The following CSMD1 variants were observed in gnomAD, a reference collection of about 807,000 sequenced individuals.
The protein encoded by CSMD1 is CUB and Sushi multiple domains 1.
Under a neutral mutation model 417.5 loss-of-function variants are expected in CSMD1, and 213 were observed. The ratio of observed to expected loss-of-function variants is 0.51; its 90% CI spans 0.46 to 0.57. CSMD1 has a LOEUF of 0.57. Among genes scored for constraint, CSMD1 ranks in the 20% least tolerant of loss-of-function variants. CSMD1 has a pLI of 0.00. For synonymous variants in CSMD1, 2,862 were observed against 1,736.8 expected (o/e 1.65, Z -16.11); for missense variants, 6,923 against 4,529.7 (o/e 1.53, Z -15.17).
At chr8:3,959,051 C>T (rs1212698627) in intron 5 of CSMD1, among the ~76,000 whole-genome samples, 6 of 152,328 alleles carry the variant, frequency 3.9e-5, no homozygotes, top group African/African-American at 1.4e-4. Context: ...ATACTTCCTA[C>T]TCCCCAGCAC....
At chr8:4,006,929 G>T (rs974136141) in intron 4 of CSMD1, among the ~76,000 whole-genome samples, 1 of 143,178 alleles carries the variant, frequency 7.0e-6, no homozygotes, top group Non-Finnish European at 1.5e-5. Context: ...CTGGGTTCAA[G>T]CGATTCTCCT....
Position 3,336,834 on chromosome 8 carries a change from T to C in CSMD1, c.3631+6460A>G, listed in dbSNP as rs112097261. 2.6e-5 allele frequency among the ~76,000 whole-genome samples: 4 copies of C among 152,066 alleles called. No individual in the cohort carries two copies. In the South Asian group the frequency reaches 8.3e-4, roughly 32 times the overall value. ...AGGCACAGCTCCTGTCTAATTCATA[T>C]AGCACCTGGCATTGACCTTAATCTG... On this transcript the variant is annotated intron_variant, in intron 23 of 69. Coordinates refer to ENST00000635120, the MANE Select transcript of CSMD1 (RefSeq NM_033225.6).
At chr8:3,482,741 C>A (rs28827864) in intron 11 of CSMD1, among the ~76,000 whole-genome samples, 93,386 of 151,930 alleles carry the variant, frequency 0.61, 29,329 homozygotes, top group Middle Eastern at 0.73. Flanking sequence ...GATAATAGAT[C>A]TTGACATATT....
At chr8:3,262,829 C>T (rs188415846) in intron 26 of CSMD1, among the ~76,000 whole-genome samples, 1 of 152,076 alleles carries the variant, frequency 6.6e-6, no homozygotes, top group Admixed American at 6.6e-5. Context: ...TAAATGAATT[C>T]TACAATCTAC....
intron 3 of CSMD1, among the ~76,000 whole-genome samples, chr8:4,231,416 A>G (rs1386240939): frequency 6.6e-6 from 1 of 152,208 alleles, no homozygotes; most frequent in Non-Finnish European, 1.5e-5. Context: ...AGTTGTTACA[A>G]AAATTACGAT....
At chr8:4,216,107 C>T (rs1800652320) in intron 3 of CSMD1, among the ~76,000 whole-genome samples, 1 of 152,172 alleles carries the variant, frequency 6.6e-6, no homozygotes, top group African/African-American at 2.4e-5. Context: ...CAGTCCTCTT[C>T]TCAATCTGGC....
chr8:4,695,666 G>C (rs1807081323), intron 1 of CSMD1, among the ~76,000 whole-genome samples: 1 of 152,006 alleles, frequency 6.6e-6, no homozygotes, highest in Non-Finnish European at 1.5e-5. Flanking sequence ...AGAACCTATA[G>C]ACCTAGGTTG....
chr8:3,794,472 A>T (rs1172126008), intron 5 of CSMD1, among the ~76,000 whole-genome samples: 1 of 152,126 alleles, frequency 6.6e-6, no homozygotes, highest in Non-Finnish European at 1.5e-5. Flanking sequence ...TTAAATCAAC[A>T]AATAGTTTTT....
intron 31 of CSMD1, among the ~76,000 whole-genome samples, chr8:3,202,987 C>G (rs764052180): frequency 1.3e-5 from 2 of 152,100 alleles, no homozygotes; most frequent in African/African-American, 2.4e-5. Flanking sequence ...CTCATACCAT[C>G]CTCACCCACC....
chr8:4,456,955 C>G (rs1196641495), intron 2 of CSMD1, among the ~76,000 whole-genome samples: 2 of 132,256 alleles, frequency 1.5e-5, no homozygotes, highest in Non-Finnish European at 3.2e-5. Flanking sequence ...CTCTGATTTA[C>G]AAGAGATTTT....
intron 49 of CSMD1, among the ~76,000 whole-genome samples, chr8:3,067,816 T>A (rs1405839941): frequency 1.3e-5 from 2 of 152,042 alleles, no homozygotes; most frequent in Non-Finnish European, 2.9e-5. Context: ...TGTAATTACC[T>A]AATTTATCTT....
At chr8:4,064,233 C>T (rs1017401390) in intron 3 of CSMD1, among the ~76,000 whole-genome samples, 1 of 152,198 alleles carries the variant, frequency 6.6e-6, no homozygotes, top group Non-Finnish European at 1.5e-5. Context: ...TCCCAGTGGT[C>T]ATTCGCTGAT....
intron 1 of CSMD1, among the ~76,000 whole-genome samples, chr8:4,860,641 A>T (rs1008739848): frequency 5.3e-5 from 8 of 152,132 alleles, no homozygotes; most frequent in Non-Finnish European, 1.0e-4. Flanking sequence ...TCTTTATGGC[A>T]ATGCTAATAC....
At chr8:4,318,204 A>T (rs1585221427) in intron 3 of CSMD1, among the ~76,000 whole-genome samples, 1 of 152,138 alleles carries the variant, frequency 6.6e-6, no homozygotes, top group African/African-American at 2.4e-5. Context: ...TGTGAATGAT[A>T]ATTATTACAA....
At chr8:4,873,663 T>C (rs1043603668) in intron 1 of CSMD1, among the ~76,000 whole-genome samples, 2 of 152,114 alleles carry the variant, frequency 1.3e-5, no homozygotes, top group African/African-American at 4.8e-5. Flanking sequence ...ATCTATCCAT[T>C]CAGTAAACAC....
In CSMD1 at chr8:3,902,381, C is replaced by T. The variant is rs189091943; in HGVS notation, c.818+95522G>A. On this transcript the variant is annotated intron_variant, in intron 5 of 69. Transcript: ENST00000635120. Reference sequence around the variant, plus strand: ...GTTTACAAAAACATGTGATCTGAGGCAAATTGTTGGATCTTCCTAAGGCAG... The same window carrying T: ...GTTTACAAAAACATGTGATCTGAGGTAAATTGTTGGATCTTCCTAAGGCAG... Among the ~76,000 whole-genome samples, 41 of 152,220 alleles carry T rather than the reference C, an allele frequency of 2.7e-4. No individual in the cohort carries two copies. In the East Asian group the frequency reaches 6.2e-3, roughly 23 times the overall value.
chr8:3,666,461 A>T (rs926833130), intron 7 of CSMD1, among the ~76,000 whole-genome samples: 1 of 152,218 alleles, frequency 6.6e-6, no homozygotes, highest in Non-Finnish European at 1.5e-5. Flanking sequence ...CTGAATCACG[A>T]TTGATCCTTG....
chr8:4,967,562 G>A (rs959959442), intron 1 of CSMD1, among the ~76,000 whole-genome samples: 2 of 151,998 alleles, frequency 1.3e-5, no homozygotes, highest in African/African-American at 2.4e-5. Flanking sequence ...TGCAAATTTG[G>A]AAATTCTTAT....
chr8:3,341,775 T>G (rs935873939), intron 23 of CSMD1, among the ~76,000 whole-genome samples: 1 of 152,198 alleles, frequency 6.6e-6, no homozygotes, highest in Non-Finnish European at 1.5e-5. Context: ...AGACAAAATT[T>G]AATTTACCCA....
Sources: gnomAD v4.1 joint callset for allele counts (sites outside exome capture counted in the v4.1 genomes callset) on GRCh38, gnomAD v4.1.1 for gene constraint, MANE v1.5 for transcripts, NCBI Gene and HGNC (gene_info 2026-07-23, HGNC 2026-07-21) for gene names.